Variants in ACSL3 observed in about 807,000 individuals in gnomAD.
The protein encoded by ACSL3 is fatty acid CoA ligase Acsl3.
In ACSL3, 34 loss-of-function variants were observed where a neutral mutation model predicts 84.7. The ratio of observed to expected loss-of-function variants is 0.40; its 90% confidence interval spans 0.31 to 0.53. The LOEUF is 0.53. Ranked by LOEUF, ACSL3 falls within the 20% of genes least tolerant of loss-of-function variation. The pLI, the probability that ACSL3 is intolerant of heterozygous loss-of-function variation, is 0.48. For missense variants in ACSL3, 680 were observed against 873.1 expected (o/e 0.78, Z 2.79); for synonymous variants, 315 against 299.4 (o/e 1.05, Z -0.54).
At chr2:222,928,007 T>C (rs1296642763) in intron 12 of ACSL3, among the ~76,000 whole-genome samples, 1 of 152,244 alleles carries the variant, frequency 6.6e-6, no homozygotes, top group Non-Finnish European at 1.5e-5. Context: ...ATTTCTTTCT[T>C]CTGAGGATCC....
chr2:222,938,768 T>C (rs531095557), intron 16 of ACSL3, among the ~76,000 whole-genome samples: 1 of 152,314 alleles, frequency 6.6e-6, no homozygotes, highest in East Asian at 1.9e-4. Flanking sequence ...TGAGCATTTT[T>C]CCACTTGATG....
intron 3 of ACSL3, 92 bp downstream of exon 3, chr2:222,900,872 A>G (rs1274213704): frequency 6.6e-6 from 1 of 152,164 alleles, no homozygotes; most frequent in East Asian, 1.9e-4. Flanking sequence ...TTATTTTCTA[A>G]ACCTGCATTT....
At chr2:222,918,986 G>T in intron 6 of ACSL3, 78 bp from the exon 7 acceptor site, 2 of 1,526,398 alleles carry the variant, frequency 1.3e-6, no homozygotes, top group Non-Finnish European at 8.9e-7. Flanking sequence ...ATGATTCACC[G>T]AATATGGTAA....
intron 11 of ACSL3, among the ~76,000 whole-genome samples, chr2:222,926,395 T>C (rs1225483674): frequency 1.3e-5 from 2 of 152,268 alleles, no homozygotes; most frequent in Non-Finnish European, 2.9e-5. Context: ...TCTTCACCTT[T>C]TGCAAAGATT....
Position 222,917,876 on chromosome 2 carries a change from T to G in ACSL3, c.557-170T>G, listed in dbSNP as rs976294595. Reference sequence around the variant, plus strand: ...GCATTTAGGGGAGGATGAGTAGGTGTAATGTTGATTAGTATGATAAGATAA... The same window carrying G: ...GCATTTAGGGGAGGATGAGTAGGTGGAATGTTGATTAGTATGATAAGATAA... On this transcript the variant is annotated intron_variant, in intron 5 of 16. Transcript: ENST00000357430. 1.2e-5 allele frequency: 5 copies of G among 418,104 alleles called. No homozygotes were observed. In the Admixed American group the frequency reaches 2.1e-4, roughly 18 times the overall value. The allele number at this position is 418,104 out of a possible 1,614,324, so 25.9% of individuals were successfully genotyped here.
At chr2:222,895,235 T>G (rs1695944204) in intron 2 of ACSL3, among the ~76,000 whole-genome samples, 1 of 152,300 alleles carries the variant, frequency 6.6e-6, no homozygotes, top group African/African-American at 2.4e-5. Context: ...CCAATGATTT[T>G]GCTTATTACT....
intron 10 of ACSL3, among the ~76,000 whole-genome samples, chr2:222,923,919 T>C (rs191178848): frequency 2.2e-4 from 34 of 152,324 alleles, no homozygotes; most frequent in African/African-American, 7.0e-4. Context: ...TTCACAGTAA[T>C]GGACCTAGCA....
intron 1 of ACSL3, among the ~76,000 whole-genome samples, chr2:222,875,325 GT>G (rs757172714): frequency 2.0e-5 from 3 of 152,020 alleles, no homozygotes; most frequent in South Asian, 2.1e-4. Context: ...TGGGATTTTT[GT>G]TTTTGAATAA....
chr2:222,937,463 T>C (rs1399379008), intron 16 of ACSL3, among the ~76,000 whole-genome samples: 1 of 152,192 alleles, frequency 6.6e-6, no homozygotes, highest in Non-Finnish European at 1.5e-5. Context: ...TGTCAGTGTT[T>C]GCTTCATATA....
chr2:222,918,360 T>C (rs377226337), intron 6 of ACSL3, among the ~76,000 whole-genome samples: 2 of 152,144 alleles, frequency 1.3e-5, no homozygotes, highest in South Asian at 4.1e-4. Flanking sequence ...AGTTATAAAT[T>C]GTTAAGATGC....
chr2:222,934,441 A>G lies in ACSL3; in HGVS notation c.1848-89A>G, dbSNP rs1697119479. On this transcript the variant is annotated intron_variant, in intron 15 of 16. Transcript: ENST00000357430. ...CACATGCATTTTAAAAAAAATGAGG[A>G]GTTATTTACTACTTGTCACTGTAAT... 5.6e-6 allele frequency: 6 copies of G among 1,076,642 alleles called. No individual in the cohort carries two copies. The South Asian group carries it at 1.6e-4, about 28-fold the overall frequency. 66.7% of individuals were successfully genotyped at this position (1,076,642 alleles called of 1,614,324 possible).
chr2:222,866,739 GCCCTGCCCC>G (rs1559273397), intron 1 of ACSL3, among the ~76,000 whole-genome samples: 2 of 3,978 alleles, frequency 5.0e-4, no homozygotes, highest in Non-Finnish European at 6.8e-4. Flanking sequence ...AAATAAAACT[GCCCTGCCCC>G]CCCCGCCCCC....
chr2:222,908,641 GAA>G (rs199971758), intron 3 of ACSL3, 90 bp from the exon 4 acceptor site: 13 of 700,272 alleles, frequency 1.9e-5, no homozygotes, highest in Admixed American at 9.8e-5. Flanking sequence ...CTGCCTGATA[GAA>G]AAAAAAAAAT....
At chr2:222,884,314 A>G (rs1695669792) in intron 1 of ACSL3, among the ~76,000 whole-genome samples, 1 of 152,208 alleles carries the variant, frequency 6.6e-6, no homozygotes, top group Admixed American at 6.5e-5. Flanking sequence ...AGGGCAGCAA[A>G]CATTCACAGT....
intron 3 of ACSL3, among the ~76,000 whole-genome samples, chr2:222,904,480 C>T (rs1696241044): frequency 6.6e-6 from 1 of 152,110 alleles, no homozygotes; most frequent in Admixed American, 6.5e-5. Context: ...TGAGTCCATT[C>T]ATGCTGTGGA....
intron 1 of ACSL3, among the ~76,000 whole-genome samples, chr2:222,885,029 G>A (rs529723201): frequency 6.6e-6 from 1 of 152,274 alleles, no homozygotes; most frequent in African/African-American, 2.4e-5. Flanking sequence ...CCACTGACTA[G>A]GAATTTTCTT....
At chr2:222,900,369 C>G (rs955484042) in intron 2 of ACSL3, among the ~76,000 whole-genome samples, 1 of 152,166 alleles carries the variant, frequency 6.6e-6, no homozygotes, top group African/African-American at 2.4e-5. Flanking sequence ...TGTCCTTGAG[C>G]TTGATCTTGT....
At chr2:222,904,349 C>T (rs748020952) in intron 3 of ACSL3, among the ~76,000 whole-genome samples, 1 of 152,070 alleles carries the variant, frequency 6.6e-6, no homozygotes, top group Non-Finnish European at 1.5e-5. Context: ...TGGTCTTAGT[C>T]TCCATTTCAA....
Position 222,933,231 on chromosome 2 carries a change from G to A in ACSL3, c.1798G>A (p.Ala600Thr). ...EYVSLGKVEAALKNLPLVDNI... is the reference protein window; with the variant it reads ...EYVSLGKVEATLKNLPLVDNI... Reference sequence around the variant, plus strand: ...TGTTTCTCTTGGGAAAGTAGAGGCAGCTTTGAAGAATCTTCCACTAGTAGA... The same window carrying A: ...TGTTTCTCTTGGGAAAGTAGAGGCAACTTTGAAGAATCTTCCACTAGTAGA... Residue 600 changes from alanine to threonine, a missense_variant, in exon 15 of 17, where the codon GCT becomes ACT. Around this residue, in one of 2 missense-constraint regions of ACSL3, gnomAD observed 347 missense variants for 525.7 expected, o/e 0.66. Coordinates refer to ENST00000357430, the MANE Select transcript of ACSL3 (RefSeq NM_004457.5). 1 of 1,613,932 alleles carries A rather than the reference G, an allele frequency of 6.2e-7. No homozygotes were observed. Among genetic ancestry groups the A allele is most frequent in the East Asian group, 2.2e-5 (1 of 44,856 alleles).
Sources: gnomAD v4.1 joint callset for allele counts (sites outside exome capture counted in the v4.1 genomes callset) on GRCh38, gnomAD v4.1.1 for gene constraint, gnomAD v4.1.1 regional missense constraint, MANE v1.5 for transcripts, NCBI Gene and HGNC (gene_info 2026-07-23, HGNC 2026-07-21) for gene names.